The following CGGBP1 variants were observed in gnomAD, a reference collection of about 807,000 sequenced individuals.
CGGBP1 encodes CGG triplet repeat binding protein 1.
In CGGBP1, 4 loss-of-function variants were observed where a neutral mutation model predicts 11.4. The observed-to-expected ratio is 0.35, with a 90% CI of 0.17 to 0.80. The LOEUF is 0.80. Among genes scored for constraint, CGGBP1 ranks in the 30% least tolerant of loss-of-function variants. CGGBP1 has a pLI of 0.52. For missense variants in CGGBP1, 135 were observed against 202.1 expected (o/e 0.67, Z 2.01); for synonymous variants, 76 against 74.1 (o/e 1.03, Z -0.13).
intron 2 of CGGBP1, chr3:88,140,338 C>A: frequency 6.2e-7 from 1 of 1,613,572 alleles, no homozygotes. Context: ...GATGTTCAGA[C>A]AGACTCAAAT....
intron 2 of CGGBP1, among the ~76,000 whole-genome samples, chr3:88,110,171 A>G (rs1156411556): frequency 6.6e-6 from 1 of 152,146 alleles, no homozygotes; most frequent in African/African-American, 2.4e-5. Context: ...GGTAGTTACT[A>G]TTATTGTGTT....
intron 2 of CGGBP1, among the ~76,000 whole-genome samples, chr3:88,080,808 G>A (rs1298575753): frequency 1.3e-5 from 2 of 152,190 alleles, no homozygotes; most frequent in Non-Finnish European, 2.9e-5. Flanking sequence ...GAAAAGGTTG[G>A]AACAGACAGA....
chr3:88,077,233 A>G (rs1707854505), intron 2 of CGGBP1, among the ~76,000 whole-genome samples: 1 of 152,034 alleles, frequency 6.6e-6, no homozygotes, highest in Non-Finnish European at 1.5e-5. Flanking sequence ...TTCTCAACTC[A>G]TCTCTGTTTC....
chr3:88,145,444 A>G (rs181910677), intron 1 of CGGBP1, among the ~76,000 whole-genome samples: 1 of 152,258 alleles, frequency 6.6e-6, no homozygotes, highest in Admixed American at 6.5e-5. Context: ...ATTTATGGTC[A>G]TATGATCTTA....
At chr3:88,068,090 C>G (rs1707305802) in intron 2 of CGGBP1, among the ~76,000 whole-genome samples, 1 of 152,014 alleles carries the variant, frequency 6.6e-6, no homozygotes, top group Admixed American at 6.6e-5. Flanking sequence ...TAAAGTTCAT[C>G]TATTAAGAGT....
At chr3:88,092,694 T>C (rs949522950) in intron 2 of CGGBP1, among the ~76,000 whole-genome samples, 1 of 152,206 alleles carries the variant, frequency 6.6e-6, no homozygotes, top group African/African-American at 2.4e-5. Flanking sequence ...AATAATGTTA[T>C]AAAATAATTT....
chr3:88,059,199 C>G (rs928323761), upstream of CGGBP1: 7 of 1,449,550 alleles, frequency 4.8e-6, no homozygotes, highest in East Asian at 1.0e-4. Flanking sequence ...GCCGAGAGGC[C>G]CCTGTCCGGC....
upstream of CGGBP1, chr3:88,059,124 T>C: frequency 9.6e-7 from 1 of 1,046,610 alleles, no homozygotes; most frequent in South Asian, 1.7e-5. Flanking sequence ...ATGAACATGA[T>C]TGGCAGCTTG....
At chr3:88,073,942 A>G (rs1291935366) in intron 2 of CGGBP1, among the ~76,000 whole-genome samples, 1 of 152,128 alleles carries the variant, frequency 6.6e-6, no homozygotes, top group African/African-American at 2.4e-5. Flanking sequence ...ACGGCTTTTT[A>G]AGAGAGGCAG....
At chr3:88,132,484 A>C (rs1392845098) in intron 2 of CGGBP1, among the ~76,000 whole-genome samples, 2 of 152,196 alleles carry the variant, frequency 1.3e-5, no homozygotes, top group Non-Finnish European at 2.9e-5. Context: ...AATGGTTTTC[A>C]GGATTTTTTT....
At chr3:88,100,996 T>TTGAAAG (rs1347676193) in intron 2 of CGGBP1, among the ~76,000 whole-genome samples, 3 of 152,164 alleles carry the variant, frequency 2.0e-5, no homozygotes, top group Non-Finnish European at 4.4e-5. Flanking sequence ...TCAAGTATAC[T>TTGAAAG]TGAAAGTAAA....
chr3:88,122,670 T>C (rs1441383682), intron 2 of CGGBP1, among the ~76,000 whole-genome samples: 5 of 152,050 alleles, frequency 3.3e-5, no homozygotes, highest in Admixed American at 1.3e-4. Flanking sequence ...AGGATTAAGT[T>C]GATATAGAGG....
intron 2 of CGGBP1, among the ~76,000 whole-genome samples, chr3:88,077,422 C>T (rs1290693711): frequency 4.6e-5 from 7 of 151,834 alleles, no homozygotes; most frequent in East Asian, 1.9e-4. Flanking sequence ...CAAGCTCCGC[C>T]GCCGGGTTCA....
chr3:88,098,882 CTGAA>C (rs576957142), intron 2 of CGGBP1, among the ~76,000 whole-genome samples: 119 of 152,268 alleles, frequency 7.8e-4, no homozygotes, highest in African/African-American at 2.7e-3. Context: ...CAGTATCATA[CTGAA>C]TGGGCAAAAA....
intron 2 of CGGBP1, among the ~76,000 whole-genome samples, chr3:88,092,217 A>G (rs896648335): frequency 2.2e-4 from 34 of 152,194 alleles, no homozygotes; most frequent in Non-Finnish European, 4.1e-4. Flanking sequence ...TATTTTATTT[A>G]AATATTTAAT....
At chr3:88,077,149 A>AT (rs1050152813) in intron 2 of CGGBP1, among the ~76,000 whole-genome samples, 1 of 152,292 alleles carries the variant, frequency 6.6e-6, no homozygotes, top group Non-Finnish European at 1.5e-5. Context: ...CATGTCCAGA[A>AT]TTTGGGAAGA....
At chr3:88,142,535 CTGTT>C (rs1707182479) in intron 1 of CGGBP1, 1 of 152,270 alleles carries the variant, frequency 6.6e-6, no homozygotes, top group Non-Finnish European at 1.5e-5. Flanking sequence ...TGGGATACTT[CTGTT>C]TGTGTATATG....
At chr3:88,098,707 A>C (rs1446393322) in intron 2 of CGGBP1, among the ~76,000 whole-genome samples, 1 of 152,248 alleles carries the variant, frequency 6.6e-6, no homozygotes, top group Non-Finnish European at 1.5e-5. Flanking sequence ...AATCCAGCAT[A>C]TAAACAGAAC....
chr3:88,063,885 C>T (rs1351075110), upstream of CGGBP1, among the ~76,000 whole-genome samples: 1 of 152,128 alleles, frequency 6.6e-6, no homozygotes, highest in Non-Finnish European at 1.5e-5. Flanking sequence ...CCAACTATCA[C>T]GTCTGACTTC....
Sources: gnomAD v4.1 joint callset for allele counts (sites outside exome capture counted in the v4.1 genomes callset) on GRCh38, gnomAD v4.1.1 for gene constraint, MANE v1.5 for transcripts, NCBI Gene and HGNC (gene_info 2026-07-23, HGNC 2026-07-21) for gene names.